Variants in VPS13B observed in about 807,000 individuals in gnomAD.
VPS13B encodes intermembrane lipid transfer protein VPS13B.
Under a neutral mutation model 426.4 loss-of-function variants are expected in VPS13B, and 285 were observed. The ratio of observed to expected loss-of-function variants is 0.67; its 90% CI spans 0.61 to 0.74. VPS13B has a LOEUF of 0.74. Among genes scored for constraint, VPS13B ranks in the 30% least tolerant of loss-of-function variants. VPS13B has a pLI of 0.00. For synonymous variants in VPS13B, 1,676 were observed against 1,676.4 expected (o/e 1.00, Z 0.01); for missense variants, 4,537 against 4,782.6 (o/e 0.95, Z 1.51).
At chr8:99,025,599 C>G (rs1842093744) in intron 2 of VPS13B, among the ~76,000 whole-genome samples, 1 of 152,066 alleles carries the variant, frequency 6.6e-6, no homozygotes, top group African/African-American at 2.4e-5. Context: ...GAAGGATTTT[C>G]TATCCTTCAG....
At chr8:99,538,105 C>G (rs1048643826) in intron 30 of VPS13B, among the ~76,000 whole-genome samples, 2 of 152,076 alleles carry the variant, frequency 1.3e-5, no homozygotes, top group African/African-American at 4.8e-5. Flanking sequence ...GCATTTTCTT[C>G]CCACAATTAC....
chr8:99,244,253 A>G (rs1003893996), intron 17 of VPS13B, among the ~76,000 whole-genome samples: 1 of 152,220 alleles, frequency 6.6e-6, no homozygotes, highest in Non-Finnish European at 1.5e-5. Flanking sequence ...CTGTTTTCTT[A>G]CAAATTAAGC....
At chr8:99,717,084 A>T in intron 36 of VPS13B, 87 bp from the exon 37 acceptor site, 2 of 1,298,866 alleles carry the variant, frequency 1.5e-6, no homozygotes, top group Non-Finnish European at 2.2e-6. Flanking sequence ...AGGATGAATT[A>T]ATACTCTTCA....
chr8:99,253,611 A>G (rs1817612570), intron 17 of VPS13B, among the ~76,000 whole-genome samples: 1 of 152,110 alleles, frequency 6.6e-6, no homozygotes, highest in Admixed American at 6.5e-5. Flanking sequence ...CAACTTGCCT[A>G]CATTGTTATA....
At chr8:99,821,986 C>CT (rs1814396208) in intron 50 of VPS13B, among the ~76,000 whole-genome samples, 1 of 152,140 alleles carries the variant, frequency 6.6e-6, no homozygotes, top group Non-Finnish European at 1.5e-5. Flanking sequence ...GGACTGGTGT[C>CT]TATGTTTTTG....
chr8:99,855,223 G>C (rs1458338281), intron 56 of VPS13B, among the ~76,000 whole-genome samples: 2 of 152,012 alleles, frequency 1.3e-5, no homozygotes, highest in African/African-American at 4.8e-5. Flanking sequence ...AAAAATTAAA[G>C]TTTAAAAAAT....
At chr8:99,092,774 GT>G (rs1846215796) in intron 3 of VPS13B, among the ~76,000 whole-genome samples, 1 of 151,848 alleles carries the variant, frequency 6.6e-6, no homozygotes, top group African/African-American at 2.4e-5. Flanking sequence ...GTAATGTTTG[GT>G]TTATAGTATA....
At chr8:99,185,403 TAAGTA>T (rs1202201750) in intron 16 of VPS13B, among the ~76,000 whole-genome samples, 2 of 152,230 alleles carry the variant, frequency 1.3e-5, no homozygotes, top group Non-Finnish European at 2.9e-5. Context: ...ATGTGTAAGT[TAAGTA>T]GTCACTGTGT....
At chr8:99,134,045 G>T (rs1458823689) in intron 8 of VPS13B, among the ~76,000 whole-genome samples, 2 of 152,124 alleles carry the variant, frequency 1.3e-5, no homozygotes, top group African/African-American at 4.8e-5. Flanking sequence ...ATACAATGAG[G>T]TTCGCCCCTA....
chr8:99,471,266 T>G (rs1315233291), intron 24 of VPS13B, among the ~76,000 whole-genome samples: 2 of 152,072 alleles, frequency 1.3e-5, no homozygotes, highest in Admixed American at 6.6e-5. Context: ...AAAAAACTAC[T>G]TAAAAATATG....
At chr8:99,244,616 C>G (rs994888634) in intron 17 of VPS13B, among the ~76,000 whole-genome samples, 1 of 152,106 alleles carries the variant, frequency 6.6e-6, no homozygotes, top group African/African-American at 2.4e-5. Flanking sequence ...TGGAGTTATT[C>G]GGATAAGAAT....
chr8:99,067,592 C>G (rs181245272), intron 3 of VPS13B, among the ~76,000 whole-genome samples: 5 of 152,198 alleles, frequency 3.3e-5, no homozygotes, highest in Admixed American at 3.3e-4. Flanking sequence ...TGTATACCTA[C>G]GTAACAAAAC....
intron 21 of VPS13B, among the ~76,000 whole-genome samples, chr8:99,404,453 G>A (rs933053527): frequency 7.9e-5 from 12 of 152,290 alleles, no homozygotes; most frequent in Admixed American, 1.3e-4. Context: ...GCCATGTCAC[G>A]CTGACTTGCA....
intron 29 of VPS13B, among the ~76,000 whole-genome samples, chr8:99,514,309 A>G (rs1821945389): frequency 6.6e-6 from 1 of 152,212 alleles, no homozygotes; most frequent in Non-Finnish European, 1.5e-5. Context: ...TATATATAAC[A>G]AATTTTCTAC....
At chr8:99,151,401 T>C (rs1487192626) in intron 14 of VPS13B, among the ~76,000 whole-genome samples, 1 of 152,226 alleles carries the variant, frequency 6.6e-6, no homozygotes, top group African/African-American at 2.4e-5. Context: ...CAATTCTTTG[T>C]TTTATAGATT....
intron 42 of VPS13B, among the ~76,000 whole-genome samples, chr8:99,779,986 G>A (rs952122679): frequency 6.6e-6 from 1 of 152,170 alleles, no homozygotes; most frequent in East Asian, 1.9e-4. Context: ...GAATTTGTAT[G>A]AGAATAAATA....
chr8:99,233,418 C>A, intron 17 of VPS13B: 1 of 1,230,524 alleles, frequency 8.1e-7, no homozygotes, highest in African/African-American at 1.5e-5. Flanking sequence ...GTCTTGCCAG[C>A]TGTTTGATGT....
intron 34 of VPS13B, among the ~76,000 whole-genome samples, chr8:99,653,439 T>C (rs1342320704): frequency 1.3e-5 from 2 of 152,038 alleles, no homozygotes; most frequent in East Asian, 1.9e-4. Flanking sequence ...TGGGATTAAG[T>C]TGATCTTCCT....
chr8:99,705,266 G>A (rs7833906), intron 36 of VPS13B, among the ~76,000 whole-genome samples: 2,527 of 152,120 alleles, frequency 0.017, 64 homozygotes, highest in African/African-American at 0.058. Flanking sequence ...CTAAAAATTG[G>A]CTGGGAAATA....
Sources: allele counts gnomAD v4.1 joint callset (sites outside exome capture counted in the v4.1 genomes callset), GRCh38; gene constraint gnomAD v4.1.1; transcripts MANE v1.5; gene names NCBI Gene and HGNC (gene_info 2026-07-23, HGNC 2026-07-21).